The following NOTCH2NLR variants were observed in gnomAD, a reference collection of about 807,000 sequenced individuals.
NOTCH2NLR encodes the protein notch 2 N-terminal like R (pseudogene).
Under a neutral mutation model 35.6 loss-of-function variants are expected in NOTCH2NLR, and 33 were observed. The ratio of observed to expected loss-of-function variants is 0.93; its 90% CI spans 0.70 to 1.24. NOTCH2NLR has a LOEUF of 1.24. NOTCH2NLR is among the 50% of genes most tolerant of loss of function. NOTCH2NLR has a pLI of 0.00. For synonymous variants in NOTCH2NLR, 103 were observed against 141.0 expected (o/e 0.73, Z 1.91); for missense variants, 276 against 362.2 (o/e 0.76, Z 1.93).
exon 4 of NOTCH2NLR, chr1:120,793,336 C>T: frequency 7.2e-7 from 1 of 1,396,776 alleles, no homozygotes; most frequent in Non-Finnish European, 9.6e-7. Flanking sequence ...ATGGTGGCAC[C>T]TGCCTCAACC....
chr1:120,724,383 G>C (rs1650791654), intron 1 of NOTCH2NLR, 133 bp downstream of exon 1: 2 of 1,347,986 alleles, frequency 1.5e-6, no homozygotes, highest in Non-Finnish European at 1.9e-6. Context: ...CCACTCGCTG[G>C]GTTCCCAAGA....
rs1196317294 is a variant in NOTCH2NLR, at chr1:120,763,658, G to A, written c.104G>A (p.Cys35Tyr). ...CAGTGTCGAGATGGCTATGAACCCT[G>A]TGTAAATAAAGGAATGTGTGTTACC... is the stretch of plus-strand genomic sequence containing the variant. The change falls in exon 2 of 5, where the codon TGT (cysteine) becomes TAT (tyrosine). Residue 35 changes from cysteine (C) to tyrosine (Y), a missense_variant. Transcript: ENST00000624419. The A allele has an allele frequency of 5.0e-6, 7 of 1,413,426 alleles. 1 individual carries two copies. Among genetic ancestry groups the A allele is most frequent in the Non-Finnish European group, 6.6e-6 (7 of 1,055,246 alleles). The allele number at this position is 1,413,426 out of a possible 1,614,324, so 87.6% of individuals were successfully genotyped here. A position where few individuals can be genotyped will look rare whatever the true frequency, so the allele number is the denominator to read the frequency against.
chr1:120,724,089 G>T, exon 1 of NOTCH2NLR: 1 of 1,321,192 alleles, frequency 7.6e-7, no homozygotes, highest in Non-Finnish European at 9.7e-7. Flanking sequence ...AGAGAGTGGG[G>T]CTCCTCTATC....
chr1:120,794,157 C>G (rs1651528649), downstream of NOTCH2NLR, among the ~76,000 whole-genome samples: 1 of 114,678 alleles, frequency 8.7e-6, no homozygotes, highest in African/African-American at 5.2e-5. Context: ...ATGTGTGGCA[C>G]AATACTTTGT....
At position 120,777,603 on chromosome 1, in the gene NOTCH2NLR, G is replaced by T. The variant is rs1175764545; in HGVS notation, c.156-7371G>T. ...CTATACACAAATACTTTTTTTTAAA[G>T]TTCTTTTTGTTTTTCCTTCTTGCTG... On this transcript the variant is annotated intron_variant, in intron 2 of 4. Transcript: ENST00000624419. Among the ~76,000 whole-genome samples, 2 of 87,106 alleles carry T rather than the reference G, an allele frequency of 2.3e-5. 1 individual carries two copies. Among genetic ancestry groups the T allele is most frequent in the Non-Finnish European group, 4.1e-5 (2 of 49,070 alleles). The allele number at this position is 87,106 out of a possible 152,430, so 57.1% of individuals were successfully genotyped here. A position where few individuals can be genotyped will look rare whatever the true frequency, so the allele number is the denominator to read the frequency against.
chr1:120,726,915 CT>C (rs2101338818), intron 1 of NOTCH2NLR, among the ~76,000 whole-genome samples: 1 of 115,466 alleles, frequency 8.7e-6, no homozygotes, highest in South Asian at 2.5e-4. Flanking sequence ...AGAGGAGCAA[CT>C]TTTGGTTCAC....
Position 120,777,812 on chromosome 1 carries a change from C to T in NOTCH2NLR, c.156-7162C>T, listed in dbSNP as rs1417347331. Among the ~76,000 whole-genome samples, 284 of 109,366 alleles carry T rather than the reference C, an allele frequency of 2.6e-3. 60 individuals are homozygous for T. Among genetic ancestry groups the T allele is most frequent in the Non-Finnish European group, 3.9e-3 (227 of 58,426 alleles). 71.7% of individuals were successfully genotyped at this position (109,366 alleles called of 152,430 possible). A position where few individuals can be genotyped will look rare whatever the true frequency, so the allele number is the denominator to read the frequency against. On this transcript the variant is annotated intron_variant, in intron 2 of 4. Transcript: ENST00000624419. ...AAAACAAAGTTGGTAATTAGCATAA[C>T]CTAGTTAGTTACCTTTACACAGAGA...
At position 120,754,853 on chromosome 1, in the gene NOTCH2NLR, T is replaced by C. The variant is rs1379771713; in HGVS notation, c.74-8775T>C. Among the ~76,000 whole-genome samples, 46 of 121,364 alleles carry C rather than the reference T, an allele frequency of 3.8e-4. 11 individuals carry two copies. The highest frequency in any genetic ancestry group is 7.4e-4 in the Non-Finnish European group (44 of 59,642). The allele number at this position is 121,364 out of a possible 152,430, so 79.6% of individuals were successfully genotyped here. Reference sequence around the variant, plus strand: ...CTACTTTCTCAACTTTTCATCCTTGTTAAAGGCCTGGAAATTTGCAGCATT... The same window carrying C: ...CTACTTTCTCAACTTTTCATCCTTGCTAAAGGCCTGGAAATTTGCAGCATT... On this transcript the variant is annotated intron_variant, in intron 1 of 4. Coordinates refer to ENST00000624419, the Ensembl canonical transcript of NOTCH2NLR.
chr1:120,783,752 A>G lies in NOTCH2NLR; in HGVS notation c.156-1222A>G, dbSNP rs1462463460. On this transcript the variant is annotated intron_variant, in intron 2 of 4. Transcript: ENST00000624419. ...TCCAGACTTAAACGTTAGGGTGGCC[A>G]TAATATATGGGGAAGAAGGAGAAAT... Among the ~76,000 whole-genome samples, 10 of 117,432 alleles carry G rather than the reference A, an allele frequency of 8.5e-5. 4 individuals are homozygous for G. The highest frequency in any genetic ancestry group is 5.0e-4 in the African/African-American group (10 of 20,106). The allele number at this position is 117,432 out of a possible 152,430, so 77.0% of individuals were successfully genotyped here. A position where few individuals can be genotyped will look rare whatever the true frequency, so the allele number is the denominator to read the frequency against.
At chr1:120,783,676 A>C (rs1651391037) in intron 2 of NOTCH2NLR, among the ~76,000 whole-genome samples, 1 of 114,850 alleles carries the variant, frequency 8.7e-6, no homozygotes, top group Non-Finnish European at 1.7e-5. Context: ...AAGTTGTTTA[A>C]AACCAAGTGA....
intron 2 of NOTCH2NLR, among the ~76,000 whole-genome samples, chr1:120,781,730 A>T (rs1651363611): frequency 9.3e-6 from 1 of 107,056 alleles, no homozygotes; most frequent in Non-Finnish European, 1.8e-5. Context: ...CGCCTGGCTA[A>T]TTTTTTATAT....
At chr1:120,750,432 A>G (rs1440348765) in intron 1 of NOTCH2NLR, among the ~76,000 whole-genome samples, 3 of 97,858 alleles carry the variant, frequency 3.1e-5, no homozygotes, top group African/African-American at 1.4e-4. Flanking sequence ...AGGAATGTAG[A>G]TGGAAATCAG....
chr1:120,777,875 G>A lies in NOTCH2NLR; in HGVS notation c.156-7099G>A, dbSNP rs1467753508. Among the ~76,000 whole-genome samples, 20 of 107,832 alleles carry A rather than the reference G, an allele frequency of 1.9e-4. 2 individuals are homozygous for A. The East Asian group carries it at 4.8e-3, about 26-fold the overall frequency. The allele number at this position is 107,832 out of a possible 152,430, so 70.7% of individuals were successfully genotyped here. ...TGACAAGCCCATCAGACCTCAGCCA[G>A]GAGGTACTGAAAGGAGGGAGACCAG... is the stretch of plus-strand genomic sequence containing the variant. On this transcript the variant is annotated intron_variant, in intron 2 of 4. Coordinates refer to ENST00000624419, the Ensembl canonical transcript of NOTCH2NLR.
rs1650984928 is a variant in NOTCH2NLR at position 120,745,986 on chromosome 1, C to A, written c.74-17642C>A. Among the ~76,000 whole-genome samples, 3 of 18,772 alleles carry A rather than the reference C, an allele frequency of 1.6e-4. 1 individual carries two copies. In the South Asian group the frequency reaches 4.0e-3, roughly 25 times the overall value. 12.3% of individuals were successfully genotyped at this position (18,772 alleles called of 152,430 possible). On this transcript the variant is annotated intron_variant, in intron 1 of 4. Transcript: ENST00000624419. ...GATGTTGGCTTACCACAACCTCCAC[C>A]TCCCAGGCTCAAGCGATTCTCCTGC...
rs1484180493 is a variant in NOTCH2NLR at position 120,768,496 on chromosome 1, A to G, written c.155+4787A>G. On this transcript the variant is annotated intron_variant, in intron 2 of 4. Coordinates refer to ENST00000624419, the Ensembl canonical transcript of NOTCH2NLR. ...CCAGGAATTTTTCTCCTCATATTCTAGCTGCTGTGACAGCTCCAGATACCT... is the reference window on the plus strand; with the variant it reads ...CCAGGAATTTTTCTCCTCATATTCTGGCTGCTGTGACAGCTCCAGATACCT... Among the ~76,000 whole-genome samples, 26 of 106,632 alleles carry G rather than the reference A, an allele frequency of 2.4e-4. 4 individuals carry two copies. The highest frequency in any genetic ancestry group is 1.9e-3 in the East Asian group (8 of 4,312). The allele number at this position is 106,632 out of a possible 152,430, so 70.0% of individuals were successfully genotyped here. A position where few individuals can be genotyped will look rare whatever the true frequency, so the allele number is the denominator to read the frequency against.
At chr1:120,742,312 CGTGTGTGT>C (rs1209103933) in intron 1 of NOTCH2NLR, among the ~76,000 whole-genome samples, 21 of 27,798 alleles carry the variant, frequency 7.6e-4, no homozygotes, top group Non-Finnish European at 7.8e-4. Flanking sequence ...TGTGTGTGTG[CGTGTGTGT>C]GTGTGTGTGT....
chr1:120,752,680 C>A (rs1439592658), intron 1 of NOTCH2NLR, among the ~76,000 whole-genome samples: 584 of 48,122 alleles, frequency 0.012, 97 homozygotes, highest in Non-Finnish European at 0.012. Context: ...ATGCCATTCT[C>A]CTGCCTCAGA....
At chr1:120,775,648 G>A (rs1651297588) in intron 2 of NOTCH2NLR, among the ~76,000 whole-genome samples, 2 of 71,710 alleles carry the variant, frequency 2.8e-5, no homozygotes, top group South Asian at 7.2e-4. Context: ...ATTTTCAATG[G>A]CAGTCACTAC....
rs1395180953 is a variant in NOTCH2NLR at position 120,784,435 on chromosome 1, A to G, written c.156-539A>G. Among the ~76,000 whole-genome samples the G allele has an allele frequency of 3.6e-4, 42 of 116,982 alleles. 5 individuals are homozygous for G. The highest frequency in any genetic ancestry group is 2.1e-3 in the East Asian group (10 of 4,702). 76.7% of individuals were successfully genotyped at this position (116,982 alleles called of 152,430 possible). On this transcript the variant is annotated intron_variant, in intron 2 of 4. Coordinates refer to ENST00000624419, the Ensembl canonical transcript of NOTCH2NLR. The stretch of plus-strand genomic sequence containing the variant: ...CTCCAGATATTCTTGCTGTTTCTCA[A>G]ACACGCTAGGGCTGCTCTCTGTGTT...
Sources: gnomAD v4.1 joint callset for allele counts (sites outside exome capture counted in the v4.1 genomes callset) on GRCh38, gnomAD v4.1.1 for gene constraint, MANE v1.5 for transcripts, NCBI Gene and HGNC (gene_info 2026-07-23, HGNC 2026-07-21) for gene names.